PDE10A: variants seen among roughly 807,000 people sequenced by gnomAD.
The protein encoded by PDE10A is phosphodiesterase 10A, also known as cAMP and cAMP-inhibited cGMP 3',5'-cyclic phosphodiesterase 10A.
In PDE10A, 39 loss-of-function variants were observed where a neutral mutation model predicts 97.7. The ratio of observed to expected loss-of-function variants is 0.40; its 90% CI spans 0.31 to 0.52. The LOEUF (loss-of-function observed/expected upper bound fraction) is 0.52. PDE10A is among the 20% of genes least tolerant of loss of function. PDE10A has a pLI of 0.56. For missense variants in PDE10A, 731 were observed against 1,047.8 expected (o/e 0.70, Z 4.17); for synonymous variants, 371 against 376.8 (o/e 0.98, Z 0.18).
chr6:165,619,273 C>CTAGT (rs1787916598), intron 1 of PDE10A, among the ~76,000 whole-genome samples: 1 of 33,740 alleles, frequency 3.0e-5, no homozygotes, highest in African/African-American at 1.5e-4. Context: ...TGTAGTCTAG[C>CTAGT]GTAGTGTAGT....
intron 1 of PDE10A, among the ~76,000 whole-genome samples, chr6:165,755,697 A>C (rs1456847712): frequency 6.6e-6 from 1 of 152,152 alleles, no homozygotes; most frequent in Non-Finnish European, 1.5e-5. Flanking sequence ...TGGAACAGGG[A>C]AAGAGGGGGC....
intron 1 of PDE10A, among the ~76,000 whole-genome samples, chr6:165,939,098 T>G (rs1393486085): frequency 6.6e-6 from 1 of 152,214 alleles, no homozygotes; most frequent in African/African-American, 2.4e-5. Flanking sequence ...CTCAGTAAGA[T>G]TTCTAGGAAG....
At chr6:165,862,746 T>C (rs1780941323) in intron 1 of PDE10A, among the ~76,000 whole-genome samples, 1 of 150,254 alleles carries the variant, frequency 6.7e-6, no homozygotes, top group Admixed American at 6.7e-5. Flanking sequence ...TGGCACCATC[T>C]CAGCTCGCTG....
chr6:165,944,304 C>T (rs993720898), intron 1 of PDE10A, among the ~76,000 whole-genome samples: 1 of 152,186 alleles, frequency 6.6e-6, no homozygotes, highest in South Asian at 2.1e-4. Flanking sequence ...AACCATATCA[C>T]CGTCTCTTTA....
At chr6:165,797,189 C>T (rs1312244858) in intron 1 of PDE10A, among the ~76,000 whole-genome samples, 5 of 152,142 alleles carry the variant, frequency 3.3e-5, no homozygotes, top group East Asian at 3.9e-4. Flanking sequence ...TTCTGTGTGG[C>T]TCATGGTGTC....
At chr6:165,735,740 G>T (rs1208493937) in intron 1 of PDE10A, among the ~76,000 whole-genome samples, 2 of 152,092 alleles carry the variant, frequency 1.3e-5, no homozygotes, top group Non-Finnish European at 2.9e-5. Context: ...GCAATCTGCC[G>T]TACTCATTCT....
At chr6:165,862,816 C>T (rs1780943830) in intron 1 of PDE10A, among the ~76,000 whole-genome samples, 1 of 151,982 alleles carries the variant, frequency 6.6e-6, no homozygotes, top group African/African-American at 2.4e-5. Context: ...GTAGCTGGGA[C>T]TACAGGCATG....
At chr6:165,648,769 ACT>A (rs768899162) in intron 1 of PDE10A, among the ~76,000 whole-genome samples, 1 of 152,232 alleles carries the variant, frequency 6.6e-6, no homozygotes, top group African/African-American at 2.4e-5. Flanking sequence ...GAGTGCCAAA[ACT>A]CTGCACGCAC....
At chr6:165,522,992 C>T (rs937726408) in intron 2 of PDE10A, among the ~76,000 whole-genome samples, 8 of 151,130 alleles carry the variant, frequency 5.3e-5, no homozygotes, top group African/African-American at 1.2e-4. Flanking sequence ...TCAAACCAAG[C>T]GCCAAATCAA....
intron 1 of PDE10A, among the ~76,000 whole-genome samples, chr6:165,604,534 A>G (rs977913156): frequency 1.3e-5 from 2 of 151,968 alleles, no homozygotes; most frequent in East Asian, 3.9e-4. Flanking sequence ...AAAAAAAAAA[A>G]AGTGTTACTA....
chr6:165,423,385 T>C (rs1209244927), intron 10 of PDE10A, among the ~76,000 whole-genome samples: 5 of 152,230 alleles, frequency 3.3e-5, no homozygotes, highest in Non-Finnish European at 7.3e-5. Flanking sequence ...CTGAGCCACC[T>C]GGCCGCAGGG....
chr6:165,739,814 A>C (rs1021833293), intron 1 of PDE10A, among the ~76,000 whole-genome samples: 2 of 152,222 alleles, frequency 1.3e-5, no homozygotes, highest in African/African-American at 4.8e-5. Context: ...AAAGAATCTG[A>C]ATAGACATTT....
chr6:165,768,820 A>G (rs1364739890), intron 1 of PDE10A, among the ~76,000 whole-genome samples: 1 of 152,124 alleles, frequency 6.6e-6, no homozygotes, highest in African/African-American at 2.4e-5. Context: ...ATTAAATAAG[A>G]GGAACTTGGT....
At chr6:165,752,554 C>A (rs1488992278) in intron 1 of PDE10A, among the ~76,000 whole-genome samples, 1 of 152,156 alleles carries the variant, frequency 6.6e-6, no homozygotes, top group Admixed American at 6.5e-5. Context: ...ATGAATTATA[C>A]AGTAATTCTT....
At chr6:165,905,042 G>A (rs1782222492) in intron 1 of PDE10A, among the ~76,000 whole-genome samples, 1 of 152,008 alleles carries the variant, frequency 6.6e-6, no homozygotes, top group Non-Finnish European at 1.5e-5. Flanking sequence ...TTGTGTAATA[G>A]AATATGTTAT....
intron 1 of PDE10A, among the ~76,000 whole-genome samples, chr6:165,804,137 A>C (rs1180015480): frequency 5.3e-5 from 8 of 152,236 alleles, no homozygotes; most frequent in African/African-American, 1.7e-4. Flanking sequence ...TCACTTTATA[A>C]GTGAACAACA....
Position 165,336,194 on chromosome 6 carries a change from G to T in PDE10A, c.2994C>A (p.Ala998=). The T allele has an allele frequency of 1.9e-6, 3 of 1,613,734 alleles. No homozygotes were observed. Among genetic ancestry groups the T allele is most frequent in the Non-Finnish European group, 2.5e-6 (3 of 1,179,738 alleles). ...GGGTTGTATAGCAGGGAATGGCCAC[G>T]GCATTGTAGAACCCAAGCTGCCTCC... ...VPQGQLGFYN[A]VAIPCYTTLT... Residue 998 remains alanine (A), a synonymous_variant, in exon 21 of 22, where the codon GCC becomes GCA. Transcript: ENST00000539869.
At chr6:165,716,783 C>T (rs1410621739) in intron 1 of PDE10A, among the ~76,000 whole-genome samples, 1 of 152,096 alleles carries the variant, frequency 6.6e-6, no homozygotes, top group Non-Finnish European at 1.5e-5. Flanking sequence ...TGTCTAAGAA[C>T]CAAAATCTTT....
At chr6:165,987,824 CT>C (rs1382183314) in exon 1 of PDE10A, 1 of 427,998 alleles carries the variant, frequency 2.3e-6, no homozygotes, top group Admixed American at 2.7e-5. Flanking sequence ...GGGGTTCCTC[CT>C]TCCCTCCTTT....
Sources: allele counts gnomAD v4.1 joint callset (sites outside exome capture counted in the v4.1 genomes callset), GRCh38; gene constraint gnomAD v4.1.1; transcripts MANE v1.5; gene names NCBI Gene and HGNC (gene_info 2026-07-23, HGNC 2026-07-21).